TCAF1: variants seen among roughly 807,000 people sequenced by gnomAD.
The protein encoded by TCAF1 is TRPM8 channel associated factor 1.
TCAF1 carries 4 observed loss-of-function variants against 27.3 expected under a neutral mutation model. That is an observed-to-expected ratio of 0.15 (90% CI 0.07 to 0.34). The LOEUF is 0.34. Among genes scored for constraint, TCAF1 ranks in the 10% least tolerant of loss-of-function variants. The probability of loss-of-function intolerance (pLI) is 1.00; values close to 1 mark genes in which losing one functional copy is unlikely to be tolerated. For synonymous variants in TCAF1, 105 were observed against 167.1 expected (o/e 0.63, Z 2.87); for missense variants, 257 against 425.8 (o/e 0.60, Z 3.49).
intron 1 of TCAF1, among the ~76,000 whole-genome samples, chr7:143,881,346 G>A (rs1013460153): frequency 1.3e-5 from 2 of 152,122 alleles, no homozygotes; most frequent in South Asian, 2.1e-4. Flanking sequence ...GCCTGACCTC[G>A]AAAACTGGTT....
At chr7:143,893,243 A>T (rs778014874) in intron 1 of TCAF1, among the ~76,000 whole-genome samples, 1 of 152,146 alleles carries the variant, frequency 6.6e-6, no homozygotes, top group Non-Finnish European at 1.5e-5. Context: ...TTAAATTTGT[A>T]TCCTTAATAA....
chr7:143,881,632 T>C (rs1813030707), intron 1 of TCAF1, among the ~76,000 whole-genome samples: 1 of 152,170 alleles, frequency 6.6e-6, no homozygotes, highest in Admixed American at 6.5e-5. Flanking sequence ...AACTCCCATA[T>C]ACCTACCATT....
intron 1 of TCAF1, among the ~76,000 whole-genome samples, chr7:143,891,711 A>G (rs959193231): frequency 2.0e-5 from 3 of 152,274 alleles, no homozygotes; most frequent in African/African-American, 7.2e-5. Flanking sequence ...AGATAATAAA[A>G]CAAGCAAAAT....
Position 143,876,627 on chromosome 7 carries a change from AGAG to A in TCAF1, c.-14-8_-14-6del. 3 of 1,484,988 alleles carry A rather than the reference AGAG, an allele frequency of 2.0e-6. No homozygotes were observed. Among genetic ancestry groups the A allele is most frequent in the Non-Finnish European group, 1.8e-6 (2 of 1,118,056 alleles). The allele number at this position is 1,484,988 out of a possible 1,614,324, so 92.0% of individuals were successfully genotyped here. A position where few individuals can be genotyped will look rare whatever the true frequency, so the allele number is the denominator to read the frequency against. On this transcript the variant is annotated splice_polypyrimidine_tract_variant and splice_region_variant and intron_variant, in intron 1 of 8. Coordinates refer to ENST00000479870, the MANE Select transcript of TCAF1 (RefSeq NM_014719.3). Reference sequence around the variant, plus strand: ...TCGCCATGGCTCTATTGGTTTCTGCAGAGAAGAAAGCAAAGGCTCAGCTTAGCG... The same window carrying A: ...TCGCCATGGCTCTATTGGTTTCTGCAAAGAAAGCAAAGGCTCAGCTTAGCG...
At chr7:143,880,977 C>A (rs959004868) in intron 1 of TCAF1, among the ~76,000 whole-genome samples, 4 of 152,184 alleles carry the variant, frequency 2.6e-5, no homozygotes, top group South Asian at 4.1e-4. Flanking sequence ...CACCTCTGGC[C>A]CCTTTTAGCT....
chr7:143,872,156 G>A lies in TCAF1; in HGVS notation c.620+3833C>T, dbSNP rs1270369464. 9.1e-5 allele frequency among the ~76,000 whole-genome samples: 13 copies of A among 143,142 alleles called. No individual in the cohort carries two copies. In the South Asian group the frequency reaches 1.6e-3, roughly 18 times the overall value. The allele number at this position is 143,142 out of a possible 152,430, so 93.9% of individuals were successfully genotyped here. The stretch of plus-strand genomic sequence containing the variant: ...TCCTGAAAGATTTAAAAAAAAGCTA[G>A]GGAACTATTTTGATTAAAGGAGACT... On this transcript the variant is annotated intron_variant, in intron 2 of 8. Transcript: ENST00000479870.
intron 1 of TCAF1, among the ~76,000 whole-genome samples, chr7:143,892,563 C>T (rs1813691351): frequency 6.8e-6 from 1 of 147,566 alleles, no homozygotes; most frequent in Non-Finnish European, 1.5e-5. Context: ...AGGAGTGTCA[C>T]CGTTGCCAGG....
At chr7:143,886,535 C>G in intron 1 of TCAF1, 1 of 984,970 alleles carries the variant, frequency 1.0e-6, no homozygotes, top group Non-Finnish European at 1.2e-6. Context: ...GTAATGTCCA[C>G]TGGATGGATG....
chr7:143,897,653 T>C (rs909996858), intron 1 of TCAF1, among the ~76,000 whole-genome samples: 3 of 152,134 alleles, frequency 2.0e-5, no homozygotes, highest in Admixed American at 2.0e-4. Flanking sequence ...TTCATGTATA[T>C]GTGAAATTGT....
chr7:143,895,306 G>A (rs1813820527), intron 1 of TCAF1, among the ~76,000 whole-genome samples: 1 of 151,838 alleles, frequency 6.6e-6, no homozygotes, highest in Admixed American at 6.6e-5. Context: ...TGGATAATTT[G>A]TGATATACTT....
intron 1 of TCAF1, among the ~76,000 whole-genome samples, chr7:143,877,637 T>C (rs1812788318): frequency 6.6e-6 from 1 of 152,238 alleles, no homozygotes; most frequent in Non-Finnish European, 1.5e-5. Flanking sequence ...AATGATGCTC[T>C]ATAGTCTGAC....
intron 1 of TCAF1, among the ~76,000 whole-genome samples, chr7:143,899,595 A>G (rs1814029534): frequency 6.6e-6 from 1 of 152,238 alleles, no homozygotes; most frequent in Non-Finnish European, 1.5e-5. Context: ...CAAACAAGAA[A>G]AGCTATAAAA....
At chr7:143,879,617 G>T (rs372819529) in intron 1 of TCAF1, among the ~76,000 whole-genome samples, 101 of 152,236 alleles carry the variant, frequency 6.6e-4, no homozygotes, top group African/African-American at 2.4e-3. Context: ...TATACGTACA[G>T]GATGCTTACT....
intron 1 of TCAF1, chr7:143,886,377 TG>T: frequency 3.0e-6 from 1 of 332,050 alleles, no homozygotes; most frequent in Non-Finnish European, 4.3e-6. Context: ...CAGGGGAAGG[TG>T]GCTTCAGTGG....
chr7:143,880,457 C>T (rs1812954477), intron 1 of TCAF1, among the ~76,000 whole-genome samples: 1 of 152,144 alleles, frequency 6.6e-6, no homozygotes, highest in South Asian at 2.1e-4. Context: ...GGCCACATTT[C>T]AACATAATCA....
In TCAF1 at chr7:143,860,027, T is replaced by A. The variant is rs1163901855; in HGVS notation, c.2167+181A>T. Among the ~76,000 whole-genome samples the A allele has an allele frequency of 2.9e-3, 71 of 24,238 alleles. 5 individuals carry two copies. Among genetic ancestry groups the A allele is most frequent in the African/African-American group, 3.3e-3 (29 of 8,874 alleles). 15.9% of individuals were successfully genotyped at this position (24,238 alleles called of 152,430 possible). ...ATATATATATAATATATATTATATA[T>A]TATATATATAATATATAATATATAT... On this transcript the variant is annotated intron_variant, in intron 6 of 8. Transcript: ENST00000479870.
chr7:143,894,949 T>A (rs1813805000), intron 1 of TCAF1, among the ~76,000 whole-genome samples: 1 of 151,784 alleles, frequency 6.6e-6, no homozygotes, highest in Non-Finnish European at 1.5e-5. Flanking sequence ...AAATATGGTA[T>A]TCAAATGGCC....
intron 1 of TCAF1, among the ~76,000 whole-genome samples, chr7:143,879,249 G>GA (rs1812885880): frequency 6.6e-6 from 1 of 152,108 alleles, no homozygotes; most frequent in East Asian, 1.9e-4. Context: ...CACTTGTGTG[G>GA]AAAAAATGCT....
chr7:143,886,698 AC>A (rs1447276067), intron 1 of TCAF1, among the ~76,000 whole-genome samples: 14 of 104,656 alleles, frequency 1.3e-4, no homozygotes, highest in Admixed American at 1.1e-3. Flanking sequence ...CTCAAATTTT[AC>A]CTTTTTTTTT....
Sources: gnomAD v4.1 joint callset for allele counts (sites outside exome capture counted in the v4.1 genomes callset) on GRCh38, gnomAD v4.1.1 for gene constraint, MANE v1.5 for transcripts, NCBI Gene and HGNC (gene_info 2026-07-23, HGNC 2026-07-21) for gene names.